FYTTD1: variants seen among roughly 807,000 people sequenced by gnomAD.
FYTTD1 encodes forty-two-three domain containing 1.
Under a neutral mutation model 40.9 loss-of-function variants are expected in FYTTD1, and 22 were observed. The observed-to-expected ratio is 0.54, with a 90% confidence interval of 0.38 to 0.77. The LOEUF (loss-of-function observed/expected upper bound fraction) is 0.77, where lower values mean the gene tolerates loss of function less well. Ranked by LOEUF, FYTTD1 falls within the 30% of genes least tolerant of loss-of-function variation. The probability of loss-of-function intolerance (pLI) is 0.00; values close to 1 mark genes in which losing one functional copy is unlikely to be tolerated. For missense variants in FYTTD1, 351 were observed against 392.2 expected (o/e 0.90, Z 0.89); for synonymous variants, 140 against 137.9 (o/e 1.01, Z -0.10).
rs780490716 is a variant in FYTTD1 at position 197,781,916 on chromosome 3, T to A, written c.*7T>A. 5 of 1,553,344 alleles carry A rather than the reference T, an allele frequency of 3.2e-6. No individual in the cohort carries two copies. Among genetic ancestry groups the A allele is most frequent in the Non-Finnish European group, 4.4e-6 (5 of 1,141,220 alleles). ...CTTTGTCACCGTGGGATAGGTCCCA[T>A]GTCAAAGGAACTTTTGAGTGATGAC... On this transcript the variant is annotated 3_prime_UTR_variant, in exon 9 of 9. Coordinates refer to ENST00000241502, the MANE Select transcript of FYTTD1 (RefSeq NM_032288.7).
chr3:197,780,096 C>T (rs1729988648), intron 8 of FYTTD1, among the ~76,000 whole-genome samples: 1 of 144,436 alleles, frequency 6.9e-6, no homozygotes, highest in South Asian at 2.2e-4. Context: ...CAGGCACACA[C>T]ACCACCACAC....
intron 2 of FYTTD1, among the ~76,000 whole-genome samples, chr3:197,762,828 G>A (rs1465462188): frequency 6.6e-6 from 1 of 152,052 alleles, no homozygotes; most frequent in South Asian, 2.1e-4. Flanking sequence ...CTTGCAGTGA[G>A]CCGAGATCGC....
rs769842762 is a variant in FYTTD1, at chr3:197,750,012, C to G, written c.41C>G (p.Thr14Ser). The change falls in exon 1 of 9, where the codon ACT (threonine) becomes AGT (serine). Residue 14 changes from threonine to serine, a missense_variant. Transcript: ENST00000241502. ...ACCCGGTTGGTGGGAGCCACGGCGA[C>G]TTCTTCGCCGCCGCCGAAGGCCCGC... ...FGTRLVGATA[T>S]SSPPPKARSN... 3.2e-6 allele frequency: 5 copies of G among 1,585,224 alleles called. 1 individual carries two copies.
chr3:197,779,859 C>G (rs577768528), intron 8 of FYTTD1, among the ~76,000 whole-genome samples: 17 of 148,590 alleles, frequency 1.1e-4, no homozygotes, highest in African/African-American at 4.0e-4. Flanking sequence ...CACACTACAC[C>G]TGGAGATACA....
At chr3:197,750,969 A>G in intron 1 of FYTTD1, 1 of 464,758 alleles carries the variant, frequency 2.2e-6, no homozygotes, top group African/African-American at 2.1e-5. Context: ...GGTGGGCTAA[A>G]AGTACGAATA....
At chr3:197,761,379 G>A (rs1164991255) in intron 2 of FYTTD1, among the ~76,000 whole-genome samples, 2 of 151,926 alleles carry the variant, frequency 1.3e-5, no homozygotes, top group Non-Finnish European at 2.9e-5. Flanking sequence ...GTTCTTCAGT[G>A]GTAGAATGTA....
intron 8 of FYTTD1, among the ~76,000 whole-genome samples, chr3:197,778,719 T>C (rs1729943780): frequency 6.6e-6 from 1 of 152,210 alleles, no homozygotes; most frequent in Non-Finnish European, 1.5e-5. Context: ...TATGCGTGTT[T>C]AATTTTGTTT....
rs1350111420 is a variant in FYTTD1 at position 197,782,163 on chromosome 3, T to C, written c.*254T>C. ...AGACAGAACAATCATCTGTTTGACT[T>C]CTTTGGTTCCTCATGCAGCAGAAGG... On this transcript the variant is annotated 3_prime_UTR_variant, in exon 9 of 9. Transcript: ENST00000241502. 2 of 283,316 alleles carry C rather than the reference T, an allele frequency of 7.1e-6. No individual in the cohort carries two copies. Among genetic ancestry groups the C allele is most frequent in the African/African-American group, 4.4e-5 (2 of 45,894 alleles). The allele number at this position is 283,316 out of a possible 1,614,324, so 17.6% of individuals were successfully genotyped here. A position where few individuals can be genotyped will look rare whatever the true frequency, so the allele number is the denominator to read the frequency against.
intron 4 of FYTTD1, among the ~76,000 whole-genome samples, chr3:197,772,684 C>T (rs1275860061): frequency 6.6e-6 from 1 of 152,204 alleles, no homozygotes; most frequent in East Asian, 1.9e-4. Flanking sequence ...TCTCGGCCCA[C>T]AGCAACCTCT....
chr3:197,777,060 A>G, intron 7 of FYTTD1, 59 bp downstream of exon 7: 2 of 1,014,600 alleles, frequency 2.0e-6, no homozygotes, highest in Middle Eastern at 2.1e-4. Context: ...AGATCATAAG[A>G]AAGTATTGGA....
intron 1 of FYTTD1, chr3:197,755,707 C>T (rs758333275): frequency 1.4e-4 from 137 of 978,094 alleles, no homozygotes; most frequent in Non-Finnish European, 1.9e-4. Flanking sequence ...AGGCCAGTCC[C>T]GAACTCCTGA....
At chr3:197,761,032 AC>A (rs1729370382) in intron 2 of FYTTD1, among the ~76,000 whole-genome samples, 1 of 145,874 alleles carries the variant, frequency 6.9e-6, no homozygotes, top group African/African-American at 2.7e-5. Flanking sequence ...GAATGTATAG[AC>A]TTGTTCTTCA....
intron 2 of FYTTD1, among the ~76,000 whole-genome samples, chr3:197,759,761 G>C (rs1465695719): frequency 6.6e-6 from 1 of 150,948 alleles, no homozygotes; most frequent in South Asian, 2.1e-4. Flanking sequence ...AACATATAGA[G>C]TTGTTCTTCA....
intron 8 of FYTTD1, among the ~76,000 whole-genome samples, chr3:197,780,852 TTTTTTTA>T (rs923376699): frequency 5.3e-5 from 8 of 151,816 alleles, no homozygotes; most frequent in Non-Finnish European, 1.2e-4. Flanking sequence ...CCAGTTTCTT[TTTTTTTA>T]TTTTTTATTT....
chr3:197,761,401 T>C (rs574767166), intron 2 of FYTTD1, among the ~76,000 whole-genome samples: 2 of 152,110 alleles, frequency 1.3e-5, no homozygotes, highest in Non-Finnish European at 2.9e-5. Flanking sequence ...AGAATTGTTC[T>C]TCAGTGGTAG....
intron 8 of FYTTD1, 63 bp downstream of exon 8, chr3:197,778,527 T>A: frequency 1.7e-6 from 2 of 1,168,594 alleles, no homozygotes; most frequent in Non-Finnish European, 2.5e-6. Flanking sequence ...AACAAAGTAT[T>A]TATTATAATA....
At chr3:197,771,812 C>T (rs1432294442) in intron 4 of FYTTD1, among the ~76,000 whole-genome samples, 2 of 146,524 alleles carry the variant, frequency 1.4e-5, no homozygotes, top group African/African-American at 5.0e-5. Flanking sequence ...AAAATTAGCC[C>T]GATGTGGTGA....
rs766169761 is a variant in FYTTD1, at chr3:197,781,880, G to T, written c.928G>T (p.Gly310Trp). The change falls in exon 9 of 9, where the codon GGG becomes TGG. Residue 310 changes from glycine (G) to tryptophan (W), a missense_variant. Transcript: ENST00000241502. ...EQRATLTYNK[G>W]GSRFVTVG ...AAGAGCCACTCTCACATACAACAAA[G>T]GGGGAAGCCGCTTTGTCACCGTGGG... 2 of 1,608,220 alleles carry T rather than the reference G, an allele frequency of 1.2e-6. No homozygotes were observed. Among genetic ancestry groups the T allele is most frequent in the East Asian group, 4.5e-5 (2 of 44,804 alleles).
intron 2 of FYTTD1, among the ~76,000 whole-genome samples, chr3:197,762,724 T>G (rs1729424996): frequency 6.9e-6 from 1 of 145,426 alleles, no homozygotes; most frequent in Non-Finnish European, 1.5e-5. Context: ...CTACTAAAAA[T>G]ACAAAAAATT....
Sources: allele counts gnomAD v4.1 joint callset (sites outside exome capture counted in the v4.1 genomes callset), GRCh38; gene constraint gnomAD v4.1.1; transcripts MANE v1.5; gene names NCBI Gene and HGNC (gene_info 2026-07-23, HGNC 2026-07-21).